The following APBA2 variants were observed in gnomAD, a reference collection of about 807,000 sequenced individuals.
The protein encoded by APBA2 is amyloid beta precursor protein binding family A member 2, also known as amyloid-beta A4 precursor protein-binding family A member 2.
Under a neutral mutation model 75.0 loss-of-function variants are expected in APBA2, and 30 were observed. That is an observed-to-expected ratio of 0.40 (90% CI 0.30 to 0.54). APBA2 has a LOEUF of 0.54. APBA2 is among the 20% of genes least tolerant of loss of function. The pLI is 0.49. For missense variants in APBA2, 801 were observed against 1,016.1 expected (o/e 0.79, Z 2.88); for synonymous variants, 444 against 409.6 (o/e 1.08, Z -1.01).
Position 28,984,488 on chromosome 15 carries a change from C to T in APBA2, c.-94-11265C>T, listed in dbSNP as rs182548919. On this transcript the variant is annotated intron_variant, in intron 2 of 14. Coordinates refer to ENST00000683413, the MANE Select transcript of APBA2 (RefSeq NM_001353788.2). The stretch of plus-strand genomic sequence containing the variant: ...GTTCTGAGCCAGTATCAGCTTCCAG[C>T]CCCCTGACTCAGTCTCTCTGCTGTG... Among the ~76,000 whole-genome samples, 272 of 152,206 alleles carry T rather than the reference C, an allele frequency of 1.8e-3. 1 individual carries two copies. Among genetic ancestry groups the T allele is most frequent in the African/African-American group, 6.5e-3 (270 of 41,518 alleles).
At chr15:29,103,125 G>C (rs1225278978) in intron 10 of APBA2, among the ~76,000 whole-genome samples, 2 of 152,250 alleles carry the variant, frequency 1.3e-5, no homozygotes, top group Non-Finnish European at 2.9e-5. Context: ...CTTGGGGATG[G>C]GCCACAGGTA....
chr15:28,972,143 A>G (rs1051929220), intron 2 of APBA2, among the ~76,000 whole-genome samples: 2 of 152,234 alleles, frequency 1.3e-5, no homozygotes, highest in Admixed American at 1.3e-4. Flanking sequence ...CCCCAAAGGG[A>G]TAGTAGTTAC....
intron 3 of APBA2, among the ~76,000 whole-genome samples, chr15:29,049,916 G>C (rs528057009): frequency 6.6e-6 from 1 of 152,246 alleles, no homozygotes; most frequent in African/African-American, 2.4e-5. Flanking sequence ...ATTCCAGAAA[G>C]AGAAAAAGGC....
intron 2 of APBA2, chr15:28,977,039 T>C (rs999713801): frequency 6.6e-6 from 1 of 152,244 alleles, no homozygotes; most frequent in East Asian, 1.9e-4. Context: ...ACCTCATCAG[T>C]TGGCTTCCTT....
intron 2 of APBA2, among the ~76,000 whole-genome samples, chr15:28,940,567 A>G (rs939447305): frequency 3.3e-5 from 5 of 151,424 alleles, no homozygotes; most frequent in African/African-American, 1.2e-4. Flanking sequence ...AAAAAGAAAA[A>G]AAAAAAAGAA....
At chr15:29,031,794 A>C (rs1358125733) in intron 3 of APBA2, among the ~76,000 whole-genome samples, 1 of 152,178 alleles carries the variant, frequency 6.6e-6, no homozygotes, top group African/African-American at 2.4e-5. Context: ...CTTGCTAGCT[A>C]CAGAGCGCTG....
At chr15:28,939,200 T>G (rs1318209369) in intron 2 of APBA2, among the ~76,000 whole-genome samples, 1 of 152,212 alleles carries the variant, frequency 6.6e-6, no homozygotes, top group African/African-American at 2.4e-5. Context: ...GCTTCCTTTT[T>G]TAGTGCTGAA....
rs1286091618 is a variant in APBA2, at chr15:28,901,489, G to T, written c.-205+15211G>T. On this transcript the variant is annotated intron_variant, in intron 1 of 14. Coordinates refer to ENST00000683413, the MANE Select transcript of APBA2 (RefSeq NM_001353788.2). ...TTGCCTTCAGCACAGCTGGGATTTG[G>T]GGTGGGTTTTCAGTATGTGGTGCTG... Among the ~76,000 whole-genome samples the T allele has an allele frequency of 2.6e-5, 4 of 152,320 alleles. No homozygotes were observed. The East Asian group carries it at 7.7e-4, about 29-fold the overall frequency.
chr15:28,944,030 C>T (rs902270), intron 2 of APBA2, among the ~76,000 whole-genome samples: 25,106 of 152,078 alleles, frequency 0.17, 2,822 homozygotes, highest in African/African-American at 0.32. Context: ...TGCATCCTGC[C>T]ACCTCTGGCC....
intron 3 of APBA2, among the ~76,000 whole-genome samples, chr15:29,015,384 T>C (rs1178150164): frequency 6.6e-6 from 1 of 152,082 alleles, no homozygotes; most frequent in Non-Finnish European, 1.5e-5. Flanking sequence ...ACAAAAAAAA[T>C]GTGCCCAGCT....
chr15:29,114,438 C>T (rs1404258493), intron 14 of APBA2, among the ~76,000 whole-genome samples: 6 of 152,156 alleles, frequency 3.9e-5, no homozygotes, highest in Admixed American at 2.0e-4. Context: ...ATCGCTTCCA[C>T]GGCAGTGTGA....
intron 2 of APBA2, among the ~76,000 whole-genome samples, chr15:28,982,463 G>T (rs2152768804): frequency 6.6e-6 from 1 of 152,336 alleles, no homozygotes; most frequent in Non-Finnish European, 1.5e-5. Flanking sequence ...TGCAGGCAAG[G>T]TTTGATCTAG....
intron 4 of APBA2, among the ~76,000 whole-genome samples, chr15:29,074,633 G>A (rs1346729797): frequency 6.6e-6 from 1 of 152,160 alleles, no homozygotes; most frequent in African/African-American, 2.4e-5. Context: ...CCACTGAACT[G>A]TACACTTAAA....
At chr15:28,888,492 C>T (rs2031906254) in intron 1 of APBA2, among the ~76,000 whole-genome samples, 1 of 152,178 alleles carries the variant, frequency 6.6e-6, no homozygotes, top group Non-Finnish European at 1.5e-5. Context: ...CTCAGCTCCT[C>T]TCCGGCGCTC....
chr15:29,092,897 G>A (rs879324360), intron 6 of APBA2, among the ~76,000 whole-genome samples, 178 bp from the exon 7 acceptor site: 12 of 152,188 alleles, frequency 7.9e-5, no homozygotes, highest in Admixed American at 4.6e-4. Context: ...CTTGCAGCAC[G>A]GGGTAGTGAG....
chr15:28,940,356 C>CAAAAAAAAAAAAAAA (rs398043111), intron 2 of APBA2, among the ~76,000 whole-genome samples: 16 of 38,450 alleles, frequency 4.2e-4, no homozygotes, highest in Non-Finnish European at 7.6e-4. Context: ...ACTAAAAATA[C>CAAAAAAAAAAAAAAA]AAAAAAAAAA....
rs1179735954 is a variant in APBA2 at position 28,885,998 on chromosome 15, G to GA, written c.-483dup. 4.7e-5 allele frequency: 7 copies of GA among 150,310 alleles called. No homozygotes were observed. The allele number at this position is 150,310 out of a possible 1,614,324, so 9.3% of individuals were successfully genotyped here. A position where few individuals can be genotyped will look rare whatever the true frequency, so the allele number is the denominator to read the frequency against. On this transcript the variant is annotated 5_prime_UTR_variant, in exon 1 of 15. Coordinates refer to ENST00000683413, the MANE Select transcript of APBA2 (RefSeq NM_001353788.2). The stretch of plus-strand genomic sequence containing the variant: ...CAGTGTGCCCGGCGCGGGTGAGGCG[G>GA]AAGCGGCCGGGGCGGGGGCGCAGGC...
chr15:29,069,179 G>A (rs1047554861), intron 4 of APBA2, among the ~76,000 whole-genome samples: 4 of 152,226 alleles, frequency 2.6e-5, no homozygotes, highest in African/African-American at 7.2e-5. Flanking sequence ...GTTGTAGTGT[G>A]TGTCAGTACT....
Position 29,054,877 on chromosome 15 carries a change from G to A in APBA2, c.951+42G>A, listed in dbSNP as rs755453015. 1.2e-5 allele frequency: 19 copies of A among 1,557,380 alleles called. No individual in the cohort carries two copies. Among genetic ancestry groups the A allele is most frequent in the Non-Finnish European group, 1.5e-5 (17 of 1,153,386 alleles). On this transcript the variant is annotated intron_variant, in intron 4 of 14. Transcript: ENST00000683413. The surrounding 1 kb of genome is among the most constrained non-coding windows in gnomAD (Gnocchi z 6.1). The stretch of plus-strand genomic sequence containing the variant: ...CCTGGGGAAGGGAGCAGAGGGGCCC[G>A]AGAGCAAGGGACCTCAGGGTACAGG...
Sources: allele counts gnomAD v4.1 joint callset (sites outside exome capture counted in the v4.1 genomes callset), GRCh38; gene constraint gnomAD v4.1.1; non-coding constraint Gnocchi (gnomAD v3.1); transcripts MANE v1.5; gene names NCBI Gene and HGNC (gene_info 2026-07-23, HGNC 2026-07-21).